Variants in LUZP1 observed in about 807,000 individuals in gnomAD.
The protein encoded by LUZP1 is leucine zipper protein 1.
Under a neutral mutation model 71.3 loss-of-function variants are expected in LUZP1, and 25 were observed. The ratio of observed to expected loss-of-function variants is 0.35; its 90% CI spans 0.26 to 0.49. The LOEUF is 0.49. Among genes scored for constraint, LUZP1 ranks in the 20% least tolerant of loss-of-function variants. The probability of loss-of-function intolerance (pLI) is 0.99; values close to 1 mark genes in which losing one functional copy is unlikely to be tolerated. For missense variants in LUZP1, 1,142 were observed against 1,300.8 expected (o/e 0.88, Z 1.88); for synonymous variants, 481 against 506.4 (o/e 0.95, Z 0.67).
At chr1:23,096,863 C>T (rs1417374135) in intron 3 of LUZP1, among the ~76,000 whole-genome samples, 1 of 152,138 alleles carries the variant, frequency 6.6e-6, no homozygotes, top group African/African-American at 2.4e-5. Flanking sequence ...ATCCCAGCTA[C>T]TTGGGAGGCT....
intron 1 of LUZP1, among the ~76,000 whole-genome samples, chr1:23,173,756 A>G (rs1644566965): frequency 6.6e-6 from 1 of 152,190 alleles, no homozygotes; most frequent in Admixed American, 6.5e-5. Flanking sequence ...GTATACCAGC[A>G]GTGGGCATCT....
intron 2 of LUZP1, among the ~76,000 whole-genome samples, chr1:23,145,359 CAAT>C (rs1644334761): frequency 6.6e-6 from 1 of 151,978 alleles, no homozygotes; most frequent in Non-Finnish European, 1.5e-5. Flanking sequence ...AAGCATAACA[CAAT>C]AATAATAGGT....
At chr1:23,172,359 A>G (rs1644557242) in intron 1 of LUZP1, among the ~76,000 whole-genome samples, 1 of 152,042 alleles carries the variant, frequency 6.6e-6, no homozygotes, top group Non-Finnish European at 1.5e-5. Context: ...AAATATGGAG[A>G]CTATAAAGAA....
chr1:23,154,864 C>A (rs1237467363), intron 2 of LUZP1, among the ~76,000 whole-genome samples: 1 of 151,838 alleles, frequency 6.6e-6, no homozygotes, highest in African/African-American at 2.4e-5. Context: ...CTCTAAGTTA[C>A]CTTATTATTT....
chr1:23,163,615 T>C (rs1468333659), intron 2 of LUZP1, among the ~76,000 whole-genome samples: 2 of 149,510 alleles, frequency 1.3e-5, no homozygotes, highest in African/African-American at 4.9e-5. Flanking sequence ...ACTAAAGGAT[T>C]AACTATCAAT....
At chr1:23,131,780 G>C (rs71638873) in intron 2 of LUZP1, among the ~76,000 whole-genome samples, 16,275 of 152,152 alleles carry the variant, frequency 0.11, 1,223 homozygotes, top group Non-Finnish European at 0.17. Flanking sequence ...CCACCTCCTG[G>C]GTTCAAGTGA....
chr1:23,161,873 G>A (rs960275765), intron 2 of LUZP1, among the ~76,000 whole-genome samples: 9 of 151,598 alleles, frequency 5.9e-5, no homozygotes, highest in African/African-American at 2.2e-4. Context: ...CTAAAAACAC[G>A]AAAATTAGCC....
At chr1:23,113,575 A>G (rs1305795887) in intron 2 of LUZP1, among the ~76,000 whole-genome samples, 1 of 152,064 alleles carries the variant, frequency 6.6e-6, no homozygotes, top group Admixed American at 6.6e-5. Context: ...ACTAAGATCA[A>G]TGAGGTAAAA....
At chr1:23,124,387 A>C (rs910678522) in intron 2 of LUZP1, among the ~76,000 whole-genome samples, 1 of 152,140 alleles carries the variant, frequency 6.6e-6, no homozygotes, top group African/African-American at 2.4e-5. Context: ...ACCTCTTCAC[A>C]AGACTGACTT....
At chr1:23,157,726 G>A (rs527336068) in intron 2 of LUZP1, among the ~76,000 whole-genome samples, 2 of 151,980 alleles carry the variant, frequency 1.3e-5, no homozygotes, top group South Asian at 4.2e-4. Flanking sequence ...AGGAGGCGGA[G>A]GTTGCAGTGA....
intron 2 of LUZP1, among the ~76,000 whole-genome samples, chr1:23,156,661 G>A (rs1644422644): frequency 6.6e-6 from 1 of 152,152 alleles, no homozygotes; most frequent in African/African-American, 2.4e-5. Context: ...TTTCAGCACT[G>A]AAAACAAGTG....
intron 2 of LUZP1, among the ~76,000 whole-genome samples, chr1:23,119,502 C>T (rs985248032): frequency 6.6e-6 from 1 of 152,036 alleles, no homozygotes; most frequent in Non-Finnish European, 1.5e-5. Context: ...TTCTCCAGGC[C>T]TCATTAAGAT....
chr1:23,126,646 C>T (rs548901433), intron 2 of LUZP1, among the ~76,000 whole-genome samples: 2 of 152,276 alleles, frequency 1.3e-5, no homozygotes, highest in Non-Finnish European at 2.9e-5. Context: ...AGTTTAAATA[C>T]GAAGAAGGCA....
At chr1:23,112,285 A>G (rs1343548077) in intron 2 of LUZP1, among the ~76,000 whole-genome samples, 2 of 152,196 alleles carry the variant, frequency 1.3e-5, no homozygotes, top group African/African-American at 4.8e-5. Flanking sequence ...TGACAGATCC[A>G]TCCTCATCAC....
rs138548145 is a variant in LUZP1 at position 23,145,626 on chromosome 1, C to T, written c.-226+23140G>A. ...GTGGGATTACACGTGCATGCCACCACGCCTGGCTAATTTTTGTATTTTTAG... is the reference window on the plus strand; with the variant it reads ...GTGGGATTACACGTGCATGCCACCATGCCTGGCTAATTTTTGTATTTTTAG... On this transcript the variant is annotated intron_variant, in intron 2 of 4. Transcript: ENST00000302291. Among the ~76,000 whole-genome samples the T allele has an allele frequency of 5.9e-3, 899 of 152,066 alleles. 9 individuals are homozygous for T. The highest frequency in any genetic ancestry group is 0.02 in the African/African-American group (813 of 41,474).
At position 23,142,728 on chromosome 1, in the gene LUZP1, C is replaced by T. The variant is rs926790400; in HGVS notation, c.-226+26038G>A. ...ACACACACACACACACACACACACA[C>T]ACACACACACACACACACACACAGA... On this transcript the variant is annotated intron_variant, in intron 2 of 4. Transcript: ENST00000302291. Among the ~76,000 whole-genome samples, 542 of 98,682 alleles carry T rather than the reference C, an allele frequency of 5.5e-3. 5 individuals are homozygous for T. Among genetic ancestry groups the T allele is most frequent in the Non-Finnish European group, 8.8e-3 (400 of 45,632 alleles). The allele number at this position is 98,682 out of a possible 152,430, so 64.7% of individuals were successfully genotyped here.
chr1:23,104,219 G>A (rs1303095769), intron 3 of LUZP1, among the ~76,000 whole-genome samples: 3 of 146,994 alleles, frequency 2.0e-5, no homozygotes, highest in Non-Finnish European at 3.0e-5. Context: ...TCGTTCCATC[G>A]TCCAGGTTGG....
intron 3 of LUZP1, among the ~76,000 whole-genome samples, chr1:23,097,703 A>G (rs74719543): frequency 0.039 from 6,002 of 152,250 alleles, 405 homozygotes; most frequent in African/African-American, 0.14. Context: ...ATTAGAAGGT[A>G]CAGTGGCATA....
intron 4 of LUZP1, chr1:23,090,415 G>A (rs1643834894): frequency 6.2e-6 from 1 of 162,128 alleles, no homozygotes; most frequent in Non-Finnish European, 1.3e-5. Flanking sequence ...TTTTAAAGAA[G>A]GGAGCACTGT....
Sources: allele counts gnomAD v4.1 joint callset (sites outside exome capture counted in the v4.1 genomes callset), GRCh38; gene constraint gnomAD v4.1.1; transcripts MANE v1.5; gene names NCBI Gene and HGNC (gene_info 2026-07-23, HGNC 2026-07-21).